The following TTLL11 variants were observed in gnomAD, a reference collection of about 807,000 sequenced individuals.
TTLL11 encodes the protein tubulin polyglutamylase TTLL11.
TTLL11 carries 42 observed loss-of-function variants against 51.7 expected under a neutral mutation model. The ratio of observed to expected loss-of-function variants is 0.81; its 90% confidence interval spans 0.64 to 1.05. The LOEUF is 1.05. TTLL11 is among the 50% of genes least tolerant of loss of function. The probability of loss-of-function intolerance (pLI) is 0.00; values close to 1 mark genes in which losing one functional copy is unlikely to be tolerated. For missense variants in TTLL11, 799 were observed against 940.4 expected (o/e 0.85, Z 1.97); for synonymous variants, 381 against 383.5 (o/e 0.99, Z 0.08).
intron 8 of TTLL11, among the ~76,000 whole-genome samples, chr9:121,845,465 G>A (rs1837491773): frequency 6.6e-6 from 1 of 152,072 alleles, no homozygotes; most frequent in African/African-American, 2.4e-5. Flanking sequence ...TCTACATAAA[G>A]AAAGGAAGAG....
intron 3 of TTLL11, among the ~76,000 whole-genome samples, chr9:122,003,783 C>G (rs967058704): frequency 2.6e-5 from 4 of 151,256 alleles, no homozygotes; most frequent in Non-Finnish European, 4.4e-5. Flanking sequence ...CCGCACCCAG[C>G]TGCATACATT....
chr9:121,874,460 T>C (rs532744942), intron 6 of TTLL11, among the ~76,000 whole-genome samples: 23 of 152,366 alleles, frequency 1.5e-4, no homozygotes, highest in African/African-American at 4.1e-4. Context: ...TCAAAATCAT[T>C]TGTAATTCTA....
At position 121,989,619 on chromosome 9, in the gene TTLL11, T is replaced by C; in HGVS notation, c.845A>G (p.Gln282Arg). Residue 282 changes from glutamine (Q) to arginine (R), a missense_variant, in exon 4 of 9, where the codon CAG (glutamine) becomes CGG (arginine). By Grantham distance (43) the Gln-to-Arg change is conservative (BLOSUM62 1). This residue lies in a region of TTLL11 where 468 missense variants were observed against 612.8 expected (regional missense o/e 0.76). Coordinates refer to ENST00000321582, the MANE Select transcript of TTLL11 (RefSeq NM_001139442.2). The surrounding 1 kb of genome is among the most constrained non-coding windows in gnomAD (Gnocchi z 4.2). Reference sequence around the variant, plus strand: ...AAGGAGAGGTTTGCAGATGTACTCCTGGACCACCGCTGGCCTGCTCTGGAG... The same window carrying C: ...AAGGAGAGGTTTGCAGATGTACTCCCGGACCACCGCTGGCCTGCTCTGGAG... Reference protein sequence around the residue: ...GTLQSRPAVVQEYICKPLLID... With the variant: ...GTLQSRPAVVREYICKPLLID... The C allele has an allele frequency of 6.2e-7, 1 of 1,614,106 alleles. No individual in the cohort carries two copies.
intron 6 of TTLL11, among the ~76,000 whole-genome samples, chr9:121,894,935 G>C (rs12004572): frequency 6.6e-6 from 1 of 152,006 alleles, no homozygotes; most frequent in Admixed American, 6.6e-5. Flanking sequence ...GACCCTCAAG[G>C]TCCAATCCCT....
chr9:121,829,809 AC>A (rs1836941563), intron 8 of TTLL11, among the ~76,000 whole-genome samples: 1 of 147,708 alleles, frequency 6.8e-6, no homozygotes, highest in African/African-American at 2.5e-5. Context: ...ACACACACAC[AC>A]ACACCACACA....
intron 6 of TTLL11, among the ~76,000 whole-genome samples, chr9:121,936,263 TTC>T (rs1491107183): frequency 1.4e-3 from 186 of 136,280 alleles, no homozygotes; most frequent in African/African-American, 3.6e-3. Flanking sequence ...CTTTCTTTCT[TTC>T]TTTTTTTTTT....
Position 121,989,764 on chromosome 9 carries a change from T to C in TTLL11, c.700A>G (p.Met234Val), listed in dbSNP as rs1432515514. The C allele has an allele frequency of 1.3e-6, 2 of 1,594,980 alleles. No homozygotes were observed. Among genetic ancestry groups the C allele is most frequent in the African/African-American group, 2.7e-5 (2 of 74,344 alleles). Residue 234 changes from methionine (M) to valine (V), a missense_variant, in exon 4 of 9, where the codon ATG becomes GTG. By Grantham distance (21) the Met-to-Val change is conservative. Around this residue, in one of 3 missense-constraint regions of TTLL11, gnomAD observed 468 missense variants for 612.8 expected, o/e 0.76. Transcript: ENST00000321582. The surrounding 1 kb of genome is among the most constrained non-coding windows in gnomAD (Gnocchi z 4.2). ...EFQLFVAQVQ[M>V]VKDDDPSWKP... ...CAGGAGGGGTCATCGTCTTTCACCATTTGAACCTGGAGGGGGAAAAAAGGA... is the reference window on the plus strand; with the variant it reads ...CAGGAGGGGTCATCGTCTTTCACCACTTGAACCTGGAGGGGGAAAAAAGGA...
intron 6 of TTLL11, among the ~76,000 whole-genome samples, chr9:121,947,213 C>A (rs1841701712): frequency 6.6e-6 from 1 of 152,062 alleles, no homozygotes; most frequent in Admixed American, 6.6e-5. Flanking sequence ...CCACTGATAG[C>A]CTGAAATTAG....
chr9:121,829,774 TACACACACACACACAC>T lies in TTLL11; in HGVS notation c.1841-6911_1841-6896del, dbSNP rs10536790. On this transcript the variant is annotated intron_variant, in intron 8 of 8. Coordinates refer to ENST00000321582, the MANE Select transcript of TTLL11 (RefSeq NM_001139442.2). ...TGCTCGTTGTTGATAATAATTCAAG[TACACACACACACACAC>T]ACACACACACACACACACACACACC... 8.3e-5 allele frequency among the ~76,000 whole-genome samples: 12 copies of T among 144,080 alleles called. No individual in the cohort carries two copies. In the East Asian group the frequency reaches 2.0e-3, roughly 25 times the overall value. The allele number at this position is 144,080 out of a possible 152,430, so 94.5% of individuals were successfully genotyped here.
chr9:121,966,687 CTG>C (rs1220590012), intron 6 of TTLL11, among the ~76,000 whole-genome samples: 1 of 152,142 alleles, frequency 6.6e-6, no homozygotes, highest in Admixed American at 6.5e-5. Flanking sequence ...GAAATGGAAA[CTG>C]GAGACCAACA....
chr9:121,889,725 C>A (rs1008282405), intron 6 of TTLL11, among the ~76,000 whole-genome samples: 1 of 152,174 alleles, frequency 6.6e-6, no homozygotes, highest in Non-Finnish European at 1.5e-5. Context: ...CATGGTGAAA[C>A]CCCGTCTCTA....
At chr9:121,931,571 T>G (rs1840971719) in intron 6 of TTLL11, among the ~76,000 whole-genome samples, 2 of 133,786 alleles carry the variant, frequency 1.5e-5, no homozygotes, top group Admixed American at 1.6e-4. Context: ...GGTAAAACCC[T>G]GTTTCTACTA....
At chr9:122,072,372 G>A (rs528417454) in intron 1 of TTLL11, among the ~76,000 whole-genome samples, 2 of 152,158 alleles carry the variant, frequency 1.3e-5, no homozygotes, top group African/African-American at 2.4e-5. Flanking sequence ...AGCCAGGTGC[G>A]GTGGCTCACA....
intron 8 of TTLL11, among the ~76,000 whole-genome samples, chr9:121,837,348 C>T (rs368018803): frequency 1.8e-4 from 27 of 152,100 alleles, no homozygotes; most frequent in African/African-American, 6.3e-4. Context: ...ATAGCTCTTG[C>T]CAAATTAACT....
At chr9:122,060,150 A>G (rs951085607) in intron 1 of TTLL11, among the ~76,000 whole-genome samples, 1 of 152,174 alleles carries the variant, frequency 6.6e-6, no homozygotes, top group African/African-American at 2.4e-5. Flanking sequence ...ATGTCTTATC[A>G]TAGACACAGG....
At chr9:122,040,266 G>A (rs1844814279) in intron 1 of TTLL11, 3 of 797,414 alleles carry the variant, frequency 3.8e-6, no homozygotes, top group Non-Finnish European at 4.6e-6. Flanking sequence ...AGACCCGCGT[G>A]AGCCTGTAAG....
chr9:122,069,646 A>G (rs1423129163), intron 1 of TTLL11, among the ~76,000 whole-genome samples: 1 of 151,998 alleles, frequency 6.6e-6, no homozygotes, highest in Non-Finnish European at 1.5e-5. Flanking sequence ...GCGCCATTGC[A>G]CTCCAGCCTG....
At chr9:122,083,593 C>G (rs1328487747) in intron 1 of TTLL11, among the ~76,000 whole-genome samples, 1 of 152,154 alleles carries the variant, frequency 6.6e-6, no homozygotes, top group Non-Finnish European at 1.5e-5. Flanking sequence ...ATGCAGATCA[C>G]AAGGTCAGTA....
At chr9:121,951,304 T>A (rs1472254214) in intron 6 of TTLL11, among the ~76,000 whole-genome samples, 7 of 152,174 alleles carry the variant, frequency 4.6e-5, no homozygotes, top group African/African-American at 1.7e-4. Context: ...TGGATCTTTT[T>A]TGTAAGAGCT....
Sources: allele counts gnomAD v4.1 joint callset (sites outside exome capture counted in the v4.1 genomes callset), GRCh38; gene constraint gnomAD v4.1.1; regional missense constraint gnomAD v4.1.1; non-coding constraint Gnocchi (gnomAD v3.1); transcripts MANE v1.5; gene names NCBI Gene and HGNC (gene_info 2026-07-23, HGNC 2026-07-21).